MYT1L: variants seen among roughly 807,000 people sequenced by gnomAD.
MYT1L encodes myelin transcription factor 1-like protein.
Under a neutral mutation model 126.7 loss-of-function variants are expected in MYT1L, and 12 were observed. That is an observed-to-expected ratio of 0.09 (90% CI 0.06 to 0.15). The LOEUF is 0.15. MYT1L is among the 10% of genes least tolerant of loss of function. The pLI is 1.00. For synonymous variants in MYT1L, 541 were observed against 604.2 expected (o/e 0.90, Z 1.53); for missense variants, 979 against 1,585.2 (o/e 0.62, Z 6.49).
chr2:2,320,817 C>T (rs1198015476), intron 1 of MYT1L, among the ~76,000 whole-genome samples: 5 of 152,144 alleles, frequency 3.3e-5, no homozygotes, highest in Admixed American at 2.6e-4. Flanking sequence ...CACAGGAAGC[C>T]ACAATCAGCT....
At chr2:1,875,698 G>A (rs1024326544) in intron 18 of MYT1L, among the ~76,000 whole-genome samples, 2 of 152,194 alleles carry the variant, frequency 1.3e-5, no homozygotes, top group Non-Finnish European at 2.9e-5. Context: ...GAAGCAGATC[G>A]TGTTTGATAA....
At chr2:1,891,234 C>A (rs1377117477) in intron 15 of MYT1L, among the ~76,000 whole-genome samples, 5 of 152,212 alleles carry the variant, frequency 3.3e-5, no homozygotes, top group Non-Finnish European at 7.3e-5. Context: ...CACTCAGGTA[C>A]ATGGCCAGGC....
intron 19 of MYT1L, among the ~76,000 whole-genome samples, chr2:1,843,593 G>A (rs1449155719): frequency 6.6e-6 from 1 of 151,704 alleles, no homozygotes; most frequent in Non-Finnish European, 1.5e-5. Context: ...TACCCAGGGA[G>A]AATTACTATG....
chr2:2,070,264 A>G (rs2074433844), intron 3 of MYT1L, among the ~76,000 whole-genome samples: 1 of 152,154 alleles, frequency 6.6e-6, no homozygotes, highest in African/African-American at 2.4e-5. Context: ...TTTCCTGTTA[A>G]GGTAATCTAC....
rs187661159 is a variant in MYT1L, at chr2:2,269,998, C to T, written c.-421+14406G>A. Among the ~76,000 whole-genome samples, 15 of 152,254 alleles carry T rather than the reference C, an allele frequency of 9.9e-5. No homozygotes were observed. In the East Asian group the frequency reaches 2.3e-3, roughly 24 times the overall value. ...CTAATGTTTGTGTCTCTCCACAATT[C>T]GTATCTTGAGCCTGATGTGATGGTG... On this transcript the variant is annotated intron_variant, in intron 2 of 24. Coordinates refer to ENST00000647738, the MANE Select transcript of MYT1L (RefSeq NM_001303052.2).
chr2:2,288,314 C>T (rs376367617), intron 1 of MYT1L, among the ~76,000 whole-genome samples: 10 of 152,282 alleles, frequency 6.6e-5, no homozygotes, highest in East Asian at 3.9e-4. Context: ...TCAGCAAGCG[C>T]TCTTAAATAC....
chr2:1,986,704 T>C (rs541725408), intron 5 of MYT1L, among the ~76,000 whole-genome samples: 18 of 152,150 alleles, frequency 1.2e-4, no homozygotes, highest in Admixed American at 5.2e-4. Flanking sequence ...AGAAGAACTT[T>C]TGGGGAAGCG....
At chr2:2,110,305 C>T (rs1353317150) in intron 3 of MYT1L, among the ~76,000 whole-genome samples, 2 of 152,010 alleles carry the variant, frequency 1.3e-5, no homozygotes, top group Non-Finnish European at 2.9e-5. Context: ...TTCTTTTAAC[C>T]TTATTATTTA....
chr2:1,891,595 C>T (rs2148871322), intron 15 of MYT1L, among the ~76,000 whole-genome samples: 1 of 152,284 alleles, frequency 6.6e-6, no homozygotes, highest in South Asian at 2.1e-4. Context: ...ACTTCCTTTC[C>T]CTGCTACCCA....
intron 18 of MYT1L, among the ~76,000 whole-genome samples, chr2:1,854,312 C>T (rs2043643367): frequency 6.6e-6 from 1 of 151,694 alleles, no homozygotes; most frequent in South Asian, 2.1e-4. Flanking sequence ...TAAAGTAGGG[C>T]TTTTTTTGAG....
chr2:2,270,578 C>T (rs1246306495), intron 2 of MYT1L, among the ~76,000 whole-genome samples: 1 of 151,958 alleles, frequency 6.6e-6, no homozygotes, highest in African/African-American at 2.4e-5. Flanking sequence ...TACAGCCAAT[C>T]CGAGCAATGA....
intron 11 of MYT1L, among the ~76,000 whole-genome samples, chr2:1,915,393 G>C (rs1423773582): frequency 1.3e-5 from 2 of 152,104 alleles, no homozygotes; most frequent in Non-Finnish European, 2.9e-5. Flanking sequence ...GCCCTGGGAG[G>C]CACCTGCAGC....
chr2:1,984,212 A>G (rs1054653975), intron 5 of MYT1L, among the ~76,000 whole-genome samples: 3 of 152,144 alleles, frequency 2.0e-5, no homozygotes, highest in African/African-American at 4.8e-5. Flanking sequence ...AAGAGATTAT[A>G]ATGTATATAT....
At chr2:2,261,556 G>A (rs1233549389) in intron 2 of MYT1L, among the ~76,000 whole-genome samples, 1 of 152,214 alleles carries the variant, frequency 6.6e-6, no homozygotes, top group African/African-American at 2.4e-5. Context: ...TCAATAGGGA[G>A]TTGGCAGGTG....
intron 8 of MYT1L, among the ~76,000 whole-genome samples, chr2:1,975,323 G>A (rs930868146): frequency 8.1e-5 from 12 of 148,532 alleles, no homozygotes; most frequent in African/African-American, 1.5e-4. Context: ...AGAGGGTGAC[G>A]TATGGCCCCC....
intron 21 of MYT1L, among the ~76,000 whole-genome samples, chr2:1,822,607 G>A (rs963124566): frequency 1.3e-5 from 2 of 152,184 alleles, no homozygotes; most frequent in African/African-American, 4.8e-5. Flanking sequence ...TGTGTCCTTC[G>A]AGAGGGTCCC....
intron 3 of MYT1L, among the ~76,000 whole-genome samples, chr2:2,090,311 A>G (rs1383719101): frequency 1.3e-5 from 2 of 152,216 alleles, no homozygotes; most frequent in East Asian, 3.8e-4. Flanking sequence ...CAATAAAGGG[A>G]ATACGGTAAT....
intron 9 of MYT1L, among the ~76,000 whole-genome samples, chr2:1,927,234 G>T (rs997274406): frequency 3.9e-5 from 6 of 152,120 alleles, no homozygotes; most frequent in African/African-American, 1.4e-4. Context: ...GATCTCATGG[G>T]CTCTTCTTCC....
intron 18 of MYT1L, among the ~76,000 whole-genome samples, chr2:1,861,245 G>A (rs941546913): frequency 5.9e-5 from 9 of 152,174 alleles, no homozygotes; most frequent in East Asian, 1.9e-4. Flanking sequence ...ATCTCCCTCC[G>A]GGAGGGTTTA....
Sources: gnomAD v4.1 joint callset for allele counts (sites outside exome capture counted in the v4.1 genomes callset) on GRCh38, gnomAD v4.1.1 for gene constraint, MANE v1.5 for transcripts, NCBI Gene and HGNC (gene_info 2026-07-23, HGNC 2026-07-21) for gene names.